The following GRHL1 variants were observed in gnomAD, a reference collection of about 807,000 sequenced individuals.
The protein encoded by GRHL1 is grainyhead-like protein 1 homolog.
GRHL1 carries 38 observed loss-of-function variants against 75.7 expected under a neutral mutation model. That is an observed-to-expected ratio of 0.50 (90% CI 0.39 to 0.66). The LOEUF (loss-of-function observed/expected upper bound fraction) is 0.66, where lower values mean the gene tolerates loss of function less well. Ranked by LOEUF, GRHL1 falls within the 30% of genes least tolerant of loss-of-function variation. The pLI, the probability that GRHL1 is intolerant of heterozygous loss-of-function variation, is 0.00. For missense variants in GRHL1, 589 were observed against 767.5 expected (o/e 0.77, Z 2.75); for synonymous variants, 266 against 279.4 (o/e 0.95, Z 0.48).
Position 9,987,269 on chromosome 2 carries a change from G to A in GRHL1, c.1269+987G>A, listed in dbSNP as rs1668461756. Among the ~76,000 whole-genome samples, 1 of 152,158 alleles carries A rather than the reference G, an allele frequency of 6.6e-6. No homozygotes were observed. Among genetic ancestry groups the A allele is most frequent in the Non-Finnish European group, 1.5e-5 (1 of 68,028 alleles). On this transcript the variant is annotated intron_variant, in intron 9 of 15. Transcript: ENST00000324907. The surrounding 1 kb of genome is among the most constrained non-coding windows in gnomAD (Gnocchi z 4.2). ...ATTACAGGTGTGAGCCACCATGCCT[G>A]GCCTAAAATAGCTTTTAATTATTGT...
intron 12 of GRHL1, among the ~76,000 whole-genome samples, chr2:9,994,162 A>G (rs1203525685): frequency 6.6e-6 from 1 of 151,972 alleles, no homozygotes; most frequent in African/African-American, 2.4e-5. Context: ...TTTTACTTTT[A>G]GAGACAGGGT....
chr2:9,986,036 G>A (rs1359194831), intron 8 of GRHL1, 88 bp from the exon 9 acceptor site: 1 of 862,844 alleles, frequency 1.2e-6, no homozygotes, highest in East Asian at 2.8e-5. Flanking sequence ...ATAGACTTGA[G>A]TAATTTCAGT....
intron 8 of GRHL1, among the ~76,000 whole-genome samples, chr2:9,974,363 T>C (rs2125223825): frequency 6.6e-6 from 1 of 152,382 alleles, no homozygotes; most frequent in African/African-American, 2.4e-5. Context: ...TAAAACTTTT[T>C]TCGGTGACCA....
chr2:9,968,885 G>C lies in GRHL1; in HGVS notation c.1110+3504G>C, dbSNP rs1320515896. On this transcript the variant is annotated intron_variant, in intron 8 of 15. Coordinates refer to ENST00000324907, the MANE Select transcript of GRHL1 (RefSeq NM_198182.3). This position sits in a 1 kb window ranked among gnomAD's most constrained non-coding sequence, Gnocchi z 4.7. ...TCCTGCCACTAGTTCCGCAGGCCAG[G>C]TAGATAGTGGCATAAGTGTCCCCAT... is the stretch of plus-strand genomic sequence containing the variant. Among the ~76,000 whole-genome samples, 1 of 152,202 alleles carries C rather than the reference G, an allele frequency of 6.6e-6. No homozygotes were observed. Among genetic ancestry groups the C allele is most frequent in the African/African-American group, 2.4e-5 (1 of 41,454 alleles).
Position 9,965,394 on chromosome 2 carries a change from G to T in GRHL1, c.1110+13G>T. The T allele has an allele frequency of 6.8e-7, 1 of 1,466,060 alleles. No individual in the cohort carries two copies. The highest frequency in any genetic ancestry group is 1.1e-5 in the South Asian group (1 of 87,818). 90.8% of individuals were successfully genotyped at this position (1,466,060 alleles called of 1,614,324 possible). A position where few individuals can be genotyped will look rare whatever the true frequency, so the allele number is the denominator to read the frequency against. On this transcript the variant is annotated intron_variant, in intron 8 of 15. Coordinates refer to ENST00000324907, the MANE Select transcript of GRHL1 (RefSeq NM_198182.3). ...CGATGAAGCAAAGGTGGGTGGTGAG[G>T]TCTGGGCGCCTTATGTCCAGCCATT...
intron 2 of GRHL1, among the ~76,000 whole-genome samples, chr2:9,958,097 G>A (rs1667109336): frequency 6.6e-6 from 1 of 152,138 alleles, no homozygotes. Flanking sequence ...GAAGAGCTCC[G>A]TTGTGTTTTC....
At chr2:9,972,996 C>T (rs1016184909) in intron 8 of GRHL1, among the ~76,000 whole-genome samples, 1 of 152,170 alleles carries the variant, frequency 6.6e-6, no homozygotes, top group Non-Finnish European at 1.5e-5. Context: ...AGGCTGCTGA[C>T]TCGTCTTTGT....
intron 8 of GRHL1, among the ~76,000 whole-genome samples, chr2:9,972,192 CTTT>C (rs79565280): frequency 3.0e-5 from 4 of 134,694 alleles, no homozygotes; most frequent in Non-Finnish European, 3.2e-5. Context: ...ATTCCTTTTT[CTTT>C]TTTTTTTTTT....
intron 1 of GRHL1, 194 bp from the exon 2 acceptor site, chr2:9,954,721 A>G: frequency 1.6e-6 from 1 of 626,230 alleles, no homozygotes; most frequent in Non-Finnish European, 2.8e-6. Flanking sequence ...GGCTGCCTAG[A>G]TACTTTATGT....
In GRHL1 at chr2:9,951,752, C is replaced by T. The variant is rs1666775719; in HGVS notation, c.-82C>T. 1.3e-5 allele frequency: 17 copies of T among 1,329,992 alleles called. No homozygotes were observed. In the South Asian group the frequency reaches 1.8e-4, roughly 14 times the overall value. The allele number at this position is 1,329,992 out of a possible 1,614,324, so 82.4% of individuals were successfully genotyped here. A position where few individuals can be genotyped will look rare whatever the true frequency, so the allele number is the denominator to read the frequency against. ...GCCGCTCCGGACCCGCAGCCGCCGC[C>T]GCCGCCTCCTCCCCCCGGATCGGGT... On this transcript the variant is annotated 5_prime_UTR_variant, in exon 1 of 16. Coordinates refer to ENST00000324907, the MANE Select transcript of GRHL1 (RefSeq NM_198182.3). The surrounding 1 kb of genome is among the most constrained non-coding windows in gnomAD (Gnocchi z 4.2).
In GRHL1 at chr2:9,987,001, C is replaced by CA. The variant is rs1274429574; in HGVS notation, c.1269+720dup. The stretch of plus-strand genomic sequence containing the variant: ...AAACAGCTTTTTTTTTTTTTTGAGA[C>CA]AGAGTCTGGTGCTGTCGCCCATGCT... On this transcript the variant is annotated intron_variant, in intron 9 of 15. Coordinates refer to ENST00000324907, the MANE Select transcript of GRHL1 (RefSeq NM_198182.3). This position sits in a 1 kb window ranked among gnomAD's most constrained non-coding sequence, Gnocchi z 4.2. Among the ~76,000 whole-genome samples the CA allele has an allele frequency of 1.3e-5, 2 of 150,030 alleles. No individual in the cohort carries two copies. The highest frequency in any genetic ancestry group is 3.0e-5 in the Non-Finnish European group (2 of 67,742).
rs552447393 is a variant in GRHL1 at position 9,996,317 on chromosome 2, G to A, written c.1593G>A (p.Val531=). The A allele has an allele frequency of 1.5e-4, 243 of 1,606,748 alleles. 4 individuals carry two copies. In the South Asian group the frequency reaches 2.5e-3, roughly 17 times the overall value. ...TATTCCTGGTTGGGGATTGATTAGTGCTGCTCTACGTTCGAAAGGAGTCAG... is the reference window on the plus strand; with the variant it reads ...TATTCCTGGTTGGGGATTGATTAGTACTGCTCTACGTTCGAAAGGAGTCAG... The part of the protein sequence containing the change: ...KLARIEEPKR[V]LLYVRKESEE... Residue 531 remains valine (V), a splice_region_variant and synonymous_variant, in exon 14 of 16, where the codon GTG becomes GTA. Transcript: ENST00000324907.
rs1668697554 is a variant in GRHL1, at chr2:9,992,785, G to A, written c.1462-422G>A. Among the ~76,000 whole-genome samples the A allele has an allele frequency of 6.6e-6, 1 of 152,180 alleles. No homozygotes were observed. Among genetic ancestry groups the A allele is most frequent in the South Asian group, 2.1e-4 (1 of 4,832 alleles). ...ACTAAAGATTCGTCAGAGTTCTTGG[G>A]GCCATGGCCAGTACATTTAGTTTCT... On this transcript the variant is annotated intron_variant, in intron 11 of 15. Coordinates refer to ENST00000324907, the MANE Select transcript of GRHL1 (RefSeq NM_198182.3). This position sits in a 1 kb window ranked among gnomAD's most constrained non-coding sequence, Gnocchi z 4.6.
intron 8 of GRHL1, among the ~76,000 whole-genome samples, chr2:9,976,101 A>G (rs953198091): frequency 6.6e-6 from 1 of 152,198 alleles, no homozygotes; most frequent in African/African-American, 2.4e-5. Flanking sequence ...AAAGTGAGTC[A>G]TTCGTCCAGG....
intron 1 of GRHL1, among the ~76,000 whole-genome samples, chr2:9,952,384 C>T (rs1666827620): frequency 6.6e-6 from 1 of 152,096 alleles, no homozygotes; most frequent in Non-Finnish European, 1.5e-5. Flanking sequence ...CCCCGATGTC[C>T]GGGCGTTTTC....
chr2:10,000,000 T>C (rs1204177737), intron 15 of GRHL1, among the ~76,000 whole-genome samples: 3 of 152,242 alleles, frequency 2.0e-5, no homozygotes, highest in Non-Finnish European at 4.4e-5. Flanking sequence ...GCTTTATTCA[T>C]TTAGAGATGG....
intron 8 of GRHL1, among the ~76,000 whole-genome samples, chr2:9,976,165 G>C: frequency 6.6e-6 from 1 of 152,314 alleles, no homozygotes; most frequent in South Asian, 2.1e-4. Context: ...GGAATGGAAA[G>C]ATGAGTAATC....
chr2:9,963,258 T>TA (rs1667349094), intron 5 of GRHL1, among the ~76,000 whole-genome samples: 1 of 152,248 alleles, frequency 6.6e-6, no homozygotes, highest in African/African-American at 2.4e-5. Flanking sequence ...AACCTCTGTA[T>TA]ATTTTTGCAA....
intron 9 of GRHL1, 128 bp downstream of exon 9, chr2:9,986,410 T>A: frequency 2.2e-6 from 1 of 452,716 alleles, no homozygotes; most frequent in Non-Finnish European, 3.7e-6. Context: ...TTAAAATTAT[T>A]TTTATTTATT....
Sources: gnomAD v4.1 joint callset for allele counts (sites outside exome capture counted in the v4.1 genomes callset) on GRCh38, gnomAD v4.1.1 for gene constraint, Gnocchi (gnomAD v3.1) non-coding constraint, MANE v1.5 for transcripts, NCBI Gene and HGNC (gene_info 2026-07-23, HGNC 2026-07-21) for gene names.